Variants in SERGEF observed in about 807,000 individuals in gnomAD.
The protein encoded by SERGEF is secretion-regulating guanine nucleotide exchange factor.
Under a neutral mutation model 50.0 loss-of-function variants are expected in SERGEF, and 51 were observed. That is an observed-to-expected ratio of 1.02 (90% CI 0.81 to 1.29). SERGEF has a LOEUF of 1.29. Ranked by LOEUF, SERGEF falls within the 50% of genes most tolerant of loss-of-function variation. The pLI, the probability that SERGEF is intolerant of heterozygous loss-of-function variation, is 0.00. For synonymous variants in SERGEF, 205 were observed against 212.4 expected, an observed-to-expected ratio of 0.97 and a Z score of 0.30; for missense variants, 521 against 557.0, an observed-to-expected ratio of 0.94 and a Z score of 0.65.
intron 10 of SERGEF, among the ~76,000 whole-genome samples, chr11:17,804,855 G>T (rs1343668389): frequency 1.3e-5 from 2 of 152,276 alleles, no homozygotes; most frequent in East Asian, 3.9e-4. Context: ...CTTCCAGAAG[G>T]TGTTGCAGGG....
chr11:17,906,924 G>T (rs1438076623), intron 9 of SERGEF, among the ~76,000 whole-genome samples: 3 of 151,564 alleles, frequency 2.0e-5, no homozygotes, highest in Admixed American at 2.0e-4. Context: ...GAATGATTCT[G>T]CTCAGTGTCC....
intron 9 of SERGEF, among the ~76,000 whole-genome samples, chr11:17,890,200 C>T (rs1284586080): frequency 1.3e-5 from 2 of 151,972 alleles, no homozygotes; most frequent in South Asian, 2.1e-4. Flanking sequence ...TCAACCTGTG[C>T]AAGGAAGGTA....
chr11:17,819,544 G>A (rs928939459), intron 10 of SERGEF, among the ~76,000 whole-genome samples: 2 of 152,208 alleles, frequency 1.3e-5, no homozygotes, highest in African/African-American at 4.8e-5. Context: ...GTGAATGAGA[G>A]GCAGAGCAGG....
chr11:17,792,509 A>G (rs1472224364), intron 10 of SERGEF, among the ~76,000 whole-genome samples: 2 of 152,218 alleles, frequency 1.3e-5, no homozygotes, highest in African/African-American at 4.8e-5. Context: ...AGCCAAAGGG[A>G]ACACACTCTG....
At chr11:17,973,000 C>CA (rs56851705) in intron 8 of SERGEF, among the ~76,000 whole-genome samples, 18,280 of 138,970 alleles carry the variant, frequency 0.13, 1,308 homozygotes, top group Middle Eastern at 0.23. Context: ...TGTGAAGTTA[C>CA]AAAAAAAAAA....
chr11:17,996,386 T>C (rs1311749916), intron 5 of SERGEF, among the ~76,000 whole-genome samples: 1 of 152,210 alleles, frequency 6.6e-6, no homozygotes, highest in Non-Finnish European at 1.5e-5. Context: ...GACTCAGCTT[T>C]CCTAACACCT....
At chr11:17,949,525 C>A (rs575929504) in intron 9 of SERGEF, among the ~76,000 whole-genome samples, 1 of 152,038 alleles carries the variant, frequency 6.6e-6, no homozygotes, top group African/African-American at 2.4e-5. Context: ...CCAATCCCTG[C>A]GCAATGGGAC....
intron 5 of SERGEF, among the ~76,000 whole-genome samples, chr11:17,997,845 A>T (rs1380078306): frequency 1.3e-5 from 2 of 152,206 alleles, no homozygotes; most frequent in Non-Finnish European, 2.9e-5. Flanking sequence ...ATAGATACAG[A>T]AAGTAGAATA....
intron 10 of SERGEF, among the ~76,000 whole-genome samples, chr11:17,833,966 T>C (rs902391683): frequency 3.3e-4 from 50 of 152,206 alleles, no homozygotes; most frequent in Non-Finnish European, 2.2e-4. Context: ...TCTGAGTTAA[T>C]GCTAAAATGA....
At chr11:17,855,080 T>C (rs922557146) in intron 10 of SERGEF, 2 of 152,232 alleles carry the variant, frequency 1.3e-5, no homozygotes, top group Non-Finnish European at 2.9e-5. Flanking sequence ...TCACGTCAAC[T>C]TCATTTGAAA....
At chr11:17,960,092 G>T (rs915802267) in intron 8 of SERGEF, among the ~76,000 whole-genome samples, 1 of 152,094 alleles carries the variant, frequency 6.6e-6, no homozygotes, top group Non-Finnish European at 1.5e-5. Flanking sequence ...CAATCTCTTA[G>T]GGCCTAGCTC....
intron 10 of SERGEF, among the ~76,000 whole-genome samples, chr11:17,825,513 A>AC (rs1194883782): frequency 1.3e-5 from 2 of 152,180 alleles, no homozygotes; most frequent in African/African-American, 4.8e-5. Flanking sequence ...AACAAACTCT[A>AC]CCTAGTGTTT....
intron 9 of SERGEF, among the ~76,000 whole-genome samples, chr11:17,920,860 G>A (rs1394162148): frequency 2.0e-5 from 3 of 152,332 alleles, no homozygotes; most frequent in East Asian, 3.9e-4. Context: ...TTTTCCAAGT[G>A]CAAGTTTGAA....
intron 7 of SERGEF, among the ~76,000 whole-genome samples, chr11:17,989,891 TAAGTA>T (rs1185972660): frequency 1.3e-5 from 2 of 152,272 alleles, no homozygotes; most frequent in Non-Finnish European, 2.9e-5. Flanking sequence ...TATACTGGGT[TAAGTA>T]GATATATTAT....
chr11:17,803,626 T>G lies in SERGEF; in HGVS notation c.1049-15213A>C, dbSNP rs111644785. 2.7e-3 allele frequency among the ~76,000 whole-genome samples: 415 copies of G among 152,360 alleles called. 3 individuals carry two copies. Among genetic ancestry groups the G allele is most frequent in the African/African-American group, 9.6e-3 (400 of 41,588 alleles). ...ACTCCATCACGTGACACACGCTCAC[T>G]GGACACTTGTTCCCTTCCCCATCTT... On this transcript the variant is annotated intron_variant, in intron 10 of 10. Coordinates refer to ENST00000265965, the MANE Select transcript of SERGEF (RefSeq NM_012139.4).
At chr11:17,949,803 A>G (rs1259240778) in intron 9 of SERGEF, among the ~76,000 whole-genome samples, 1 of 152,182 alleles carries the variant, frequency 6.6e-6, no homozygotes, top group Admixed American at 6.5e-5. Context: ...GGATAATGAC[A>G]CTACGCAAAG....
At chr11:17,800,150 A>AT (rs1476382517) in intron 10 of SERGEF, among the ~76,000 whole-genome samples, 2 of 152,166 alleles carry the variant, frequency 1.3e-5, no homozygotes, top group South Asian at 2.1e-4. Context: ...ATATTAATGA[A>AT]TTTTTTTCCT....
At chr11:17,885,988 T>G (rs751362418) in intron 9 of SERGEF, among the ~76,000 whole-genome samples, 25 of 152,126 alleles carry the variant, frequency 1.6e-4, no homozygotes, top group Non-Finnish European at 2.2e-4. Context: ...GACACGAGTA[T>G]GGGGCATGTC....
intron 10 of SERGEF, among the ~76,000 whole-genome samples, chr11:17,842,685 T>C (rs1430481530): frequency 6.6e-6 from 1 of 152,176 alleles, no homozygotes; most frequent in East Asian, 1.9e-4. Context: ...CCACTCATAG[T>C]GATGTCAAAG....
Sources: gnomAD v4.1 joint callset for allele counts (sites outside exome capture counted in the v4.1 genomes callset) on GRCh38, gnomAD v4.1.1 for gene constraint, MANE v1.5 for transcripts, NCBI Gene and HGNC (gene_info 2026-07-23, HGNC 2026-07-21) for gene names.